GSE1: variants seen among roughly 807,000 people sequenced by gnomAD.
GSE1 encodes genetic suppressor element 1.
Under a neutral mutation model 112.6 loss-of-function variants are expected in GSE1, and 32 were observed. The ratio of observed to expected loss-of-function variants is 0.28; its 90% CI spans 0.21 to 0.38. The LOEUF is 0.38. Among genes scored for constraint, GSE1 ranks in the 10% least tolerant of loss-of-function variants. The pLI is 1.00. For synonymous variants in GSE1, 1,115 were observed against 735.6 expected, an observed-to-expected ratio of 1.52 and a Z score of -8.35; for missense variants, 2,348 against 1,699.2, an observed-to-expected ratio of 1.38 and a Z score of -6.71.
chr16:85,611,594 G>T, upstream of GSE1: 2 of 578,308 alleles, frequency 3.5e-6, no homozygotes, highest in Non-Finnish European at 4.4e-6. Flanking sequence ...TTTGTGGTCT[G>T]CCCGGAGCCT....
chr16:85,613,119 T>G, upstream of GSE1: 27 of 1,019,366 alleles, frequency 2.6e-5, no homozygotes, highest in Admixed American at 2.7e-4. Flanking sequence ...CGCGCCTGTG[T>G]GTTTGCGGCT....
chr16:85,429,058 A>G (rs906511994), intron 2 of GSE1, among the ~76,000 whole-genome samples: 2 of 152,214 alleles, frequency 1.3e-5, no homozygotes, highest in African/African-American at 2.4e-5. Flanking sequence ...GGGCGCCTAC[A>G]GCTCCGAAGC....
intron 1 of GSE1, among the ~76,000 whole-genome samples, chr16:85,260,991 G>T (rs1907627736): frequency 2.0e-5 from 3 of 152,200 alleles, no homozygotes; most frequent in Non-Finnish European, 4.4e-5. Context: ...TCTTGGGAGG[G>T]GGCATTCAGC....
chr16:85,183,222 C>T (rs1230773044), intron 1 of GSE1, among the ~76,000 whole-genome samples: 1 of 152,228 alleles, frequency 6.6e-6, no homozygotes, highest in African/African-American at 2.4e-5. Flanking sequence ...CACTCCCACA[C>T]ACCCTCTCTC....
chr16:85,217,416 C>G (rs962121452), intron 1 of GSE1, among the ~76,000 whole-genome samples: 6 of 152,290 alleles, frequency 3.9e-5, no homozygotes, highest in Non-Finnish European at 7.4e-5. Flanking sequence ...GGCGATCCCT[C>G]CAGAGAACCG....
chr16:85,648,367 C>T (rs916275023), intron 2 of GSE1, among the ~76,000 whole-genome samples, 185 bp from the exon 3 acceptor site: 10 of 152,010 alleles, frequency 6.6e-5, no homozygotes, highest in East Asian at 1.9e-4. Flanking sequence ...GCTGCTGACC[C>T]GATCGGGCCT....
In GSE1 at chr16:85,656,445, A is replaced by G. The variant is rs565614445; in HGVS notation, c.1092A>G (p.Glu364=). 7 of 1,545,472 alleles carry G rather than the reference A, an allele frequency of 4.5e-6. 1 individual carries two copies. Among genetic ancestry groups the G allele is most frequent in the Non-Finnish European group, 2.6e-6 (3 of 1,137,378 alleles). ...DREREKERER[E]REKEREQEKE... ...AGCGGGAGAAGGAACGTGAGCGCGA[A>G]CGCGAGAAGGAGCGCGAGCAAGAGA... The change falls in exon 7 of 16, where the codon GAA becomes GAG. Residue 364 remains glutamate (E), a synonymous_variant. Coordinates refer to ENST00000253458, the MANE Select transcript of GSE1 (RefSeq NM_014615.5).
At chr16:85,611,837 C>T (rs1397754149), upstream of GSE1, among the ~76,000 whole-genome samples, 6 of 147,776 alleles carry the variant, frequency 4.1e-5, no homozygotes, top group South Asian at 2.2e-4. Flanking sequence ...CGCTCGCTCC[C>T]GTCGCAATCC....
chr16:85,231,907 G>A (rs976219683), intron 1 of GSE1, among the ~76,000 whole-genome samples: 2 of 152,228 alleles, frequency 1.3e-5, no homozygotes, highest in African/African-American at 4.8e-5. Flanking sequence ...TGGCCTCTGG[G>A]GATACCCAAT....
intron 2 of GSE1, among the ~76,000 whole-genome samples, chr16:85,376,550 C>G (rs1006362639): frequency 1.3e-5 from 2 of 152,238 alleles, no homozygotes; most frequent in African/African-American, 4.8e-5. Flanking sequence ...CCCTGCCTGC[C>G]TGCCGGGCGT....
chr16:85,208,654 A>G (rs2075163168), intron 1 of GSE1, among the ~76,000 whole-genome samples: 1 of 150,838 alleles, frequency 6.6e-6, no homozygotes, highest in Non-Finnish European at 1.5e-5. Context: ...TCTGTGCCCC[A>G]TACTCTCCCT....
At chr16:85,188,821 CAA>C (rs1186499595) in intron 1 of GSE1, among the ~76,000 whole-genome samples, 2 of 124,364 alleles carry the variant, frequency 1.6e-5, no homozygotes, top group African/African-American at 2.6e-5. Flanking sequence ...AAAAAAAAAA[CAA>C]AACAAAAAAA....
chr16:85,190,576 T>G (rs1324078824), intron 1 of GSE1, among the ~76,000 whole-genome samples: 1 of 152,252 alleles, frequency 6.6e-6, no homozygotes, highest in African/African-American at 2.4e-5. Context: ...AGTCTAACAC[T>G]CTTCACTTTA....
intron 1 of GSE1, among the ~76,000 whole-genome samples, chr16:85,629,873 A>G (rs956137725): frequency 6.6e-6 from 1 of 152,204 alleles, no homozygotes; most frequent in Non-Finnish European, 1.5e-5. Context: ...TCAGTTATCT[A>G]GCGTTGTGTG....
At chr16:85,519,704 C>G (rs1474902009) in intron 2 of GSE1, among the ~76,000 whole-genome samples, 2 of 142,188 alleles carry the variant, frequency 1.4e-5, no homozygotes, top group East Asian at 2.1e-4. Context: ...ACCACAGTCT[C>G]CATCACTGTC....
chr16:85,461,830 C>G (rs948070826), intron 2 of GSE1, among the ~76,000 whole-genome samples: 4 of 152,188 alleles, frequency 2.6e-5, no homozygotes, highest in African/African-American at 9.7e-5. Context: ...CCCTCCTCAC[C>G]TCCCCTCCTC....
At chr16:85,319,391 C>T (rs544835851) in intron 1 of GSE1, among the ~76,000 whole-genome samples, 1 of 152,288 alleles carries the variant, frequency 6.6e-6, no homozygotes, top group Admixed American at 6.5e-5. Context: ...TCTAGCAGAG[C>T]AGGAGAGACG....
chr16:85,459,674 C>T (rs914573407), intron 2 of GSE1, among the ~76,000 whole-genome samples: 4 of 152,304 alleles, frequency 2.6e-5, no homozygotes, highest in Admixed American at 2.6e-4. Flanking sequence ...TAGAGGACTC[C>T]ACGGAGTCAC....
In GSE1 at chr16:85,675,720, C is replaced by G. The variant is rs977759953; in HGVS notation, c.*3181C>G. ...CTTTCCCTGAGCCACATGTTTCACA[C>G]AAGTGTAGAAAATGCCAGGGATCCA... On this transcript the variant is annotated 3_prime_UTR_variant, in exon 16 of 16. Coordinates refer to ENST00000253458, the MANE Select transcript of GSE1 (RefSeq NM_014615.5). The G allele has an allele frequency of 6.6e-6, 1 of 152,250 alleles. No individual in the cohort carries two copies. Among genetic ancestry groups the G allele is most frequent in the African/African-American group, 2.4e-5 (1 of 41,460 alleles). The allele number at this position is 152,250 out of a possible 1,614,324, so 9.4% of individuals were successfully genotyped here. A position where few individuals can be genotyped will look rare whatever the true frequency, so the allele number is the denominator to read the frequency against.
Sources: gnomAD v4.1 joint callset for allele counts (sites outside exome capture counted in the v4.1 genomes callset) on GRCh38, gnomAD v4.1.1 for gene constraint, MANE v1.5 for transcripts, NCBI Gene and HGNC (gene_info 2026-07-23, HGNC 2026-07-21) for gene names.